The following EXOC4 variants were observed in gnomAD, a reference collection of about 807,000 sequenced individuals.
EXOC4 encodes the protein exocyst complex component 4.
A neutral mutation model predicts 107.2 loss-of-function variants in EXOC4; 71 were observed. The ratio of observed to expected loss-of-function variants is 0.66; its 90% CI spans 0.55 to 0.81. The LOEUF (loss-of-function observed/expected upper bound fraction) is 0.81, where lower values mean the gene tolerates loss of function less well. Among genes scored for constraint, EXOC4 ranks in the 30% least tolerant of loss-of-function variants. EXOC4 has a pLI of 0.00. For missense variants in EXOC4, 1,108 were observed against 1,189.6 expected (o/e 0.93, Z 1.01); for synonymous variants, 456 against 441.2 (o/e 1.03, Z -0.42).
At chr7:133,832,171 T>C (rs1563018702) in intron 11 of EXOC4, among the ~76,000 whole-genome samples, 1 of 152,232 alleles carries the variant, frequency 6.6e-6, no homozygotes, top group Non-Finnish European at 1.5e-5. Context: ...TCTTATGGAC[T>C]ATACTCATTT....
intron 7 of EXOC4, among the ~76,000 whole-genome samples, chr7:133,427,634 A>G (rs1397102280): frequency 6.6e-6 from 1 of 152,202 alleles, no homozygotes; most frequent in Non-Finnish European, 1.5e-5. Context: ...TGGGGTTGGC[A>G]CAGGAAGGTT....
intron 14 of EXOC4, among the ~76,000 whole-genome samples, chr7:133,956,118 C>T (rs1800813903): frequency 6.6e-6 from 1 of 152,204 alleles, no homozygotes. Flanking sequence ...GCTTTAGACA[C>T]TATTGTCTCC....
intron 10 of EXOC4, among the ~76,000 whole-genome samples, chr7:133,690,200 C>T (rs959148751): frequency 7.9e-5 from 12 of 152,194 alleles, no homozygotes; most frequent in Non-Finnish European, 5.9e-5. Context: ...GGGTGTAGTG[C>T]GGGAGCTCAG....
chr7:133,445,137 A>G (rs1798189867), intron 7 of EXOC4, among the ~76,000 whole-genome samples: 1 of 152,154 alleles, frequency 6.6e-6, no homozygotes, highest in South Asian at 2.1e-4. Context: ...AGCAATTCTC[A>G]AAGTTTTCAG....
At chr7:133,638,885 A>G (rs565772557) in intron 10 of EXOC4, among the ~76,000 whole-genome samples, 154 of 151,710 alleles carry the variant, frequency 1.0e-3, no homozygotes, top group Non-Finnish European at 1.9e-3. Context: ...ATTTTTTTTT[A>G]TTATCGATTA....
chr7:133,817,400 G>A lies in EXOC4; in HGVS notation c.1590G>A (p.Val530=). 6.2e-7 allele frequency: 1 copy of A among 1,614,104 alleles called. No homozygotes were observed. Among genetic ancestry groups the A allele is most frequent in the Non-Finnish European group, 8.5e-7 (1 of 1,179,998 alleles). Residue 530 remains valine (V), a synonymous_variant, in exon 11 of 18, where the codon GTG becomes GTA. Coordinates refer to ENST00000253861, the MANE Select transcript of EXOC4 (RefSeq NM_021807.4). The part of the protein sequence containing the change: ...KQCPLREFLT[V]YIKNIFLNQV... ...GTCCTCTTCGAGAGTTTCTCACCGTGTACATCAAAAACATCTTTCTCAATC... is the reference window on the plus strand; with the variant it reads ...GTCCTCTTCGAGAGTTTCTCACCGTATACATCAAAAACATCTTTCTCAATC...
chr7:134,088,905 A>G, the EXOC4 span, among the ~76,000 whole-genome samples: 1 of 152,170 alleles, frequency 6.6e-6, no homozygotes, highest in African/African-American at 2.4e-5. Flanking sequence ...TTACTATACC[A>G]AATAAGGCAA....
chr7:133,459,501 G>A (rs1438170288), intron 7 of EXOC4, among the ~76,000 whole-genome samples: 2 of 152,202 alleles, frequency 1.3e-5, no homozygotes, highest in Non-Finnish European at 2.9e-5. Flanking sequence ...CTGATATCAG[G>A]CATGTGAGCT....
intron 14 of EXOC4, among the ~76,000 whole-genome samples, chr7:133,994,806 C>A (rs906525336): frequency 1.8e-4 from 27 of 150,952 alleles, no homozygotes; most frequent in Non-Finnish European, 3.2e-4. Flanking sequence ...AATCTCATAC[C>A]TTAACTGTAA....
chr7:133,334,150 A>T (rs1795455746), intron 5 of EXOC4, among the ~76,000 whole-genome samples: 1 of 152,168 alleles, frequency 6.6e-6, no homozygotes. Context: ...TTGTGGGGGT[A>T]CATCGGAAGC....
intron 11 of EXOC4, among the ~76,000 whole-genome samples, chr7:133,879,779 G>A (rs1798926726): frequency 6.6e-6 from 1 of 151,998 alleles, no homozygotes; most frequent in African/African-American, 2.4e-5. Flanking sequence ...ATTTGTTATG[G>A]TTCTTTTTTA....
At chr7:133,981,375 T>C (rs1793974918) in intron 14 of EXOC4, among the ~76,000 whole-genome samples, 1 of 152,090 alleles carries the variant, frequency 6.6e-6, no homozygotes. Flanking sequence ...CATAAAACTG[T>C]AGATGGAGTG....
intron 9 of EXOC4, among the ~76,000 whole-genome samples, chr7:133,516,758 A>AGTTTTTTTTTTTTTTTTTTT (rs1799883000): frequency 2.0e-5 from 1 of 49,032 alleles, no homozygotes. Context: ...CTAGCTGCTC[A>AGTTTTTTTTTTTTTTTTTTT]TTTTTTTTTT....
At chr7:133,504,572 A>C (rs901807104) in intron 9 of EXOC4, among the ~76,000 whole-genome samples, 1 of 152,074 alleles carries the variant, frequency 6.6e-6, no homozygotes, top group East Asian at 1.9e-4. Context: ...CTGTATGCTC[A>C]GTTTATATCG....
At chr7:133,921,068 C>G (rs1276309169) in intron 13 of EXOC4, among the ~76,000 whole-genome samples, 1 of 152,160 alleles carries the variant, frequency 6.6e-6, no homozygotes, top group African/African-American at 2.4e-5. Flanking sequence ...CCACCATCCA[C>G]CATTTGCCAG....
chr7:133,973,803 C>A (rs1455616233), intron 14 of EXOC4, among the ~76,000 whole-genome samples: 1 of 152,074 alleles, frequency 6.6e-6, no homozygotes, highest in African/African-American at 2.4e-5. Context: ...AACACAATAC[C>A]TGAGGCTGGC....
intron 14 of EXOC4, among the ~76,000 whole-genome samples, chr7:133,986,174 T>C (rs1794109987): frequency 6.6e-6 from 1 of 152,258 alleles, no homozygotes. Flanking sequence ...ATGGTGGTTT[T>C]CAAAATTAAT....
chr7:133,714,838 GACTACAAAAGAGCAA>G (rs1424669800), intron 10 of EXOC4, among the ~76,000 whole-genome samples: 2 of 152,100 alleles, frequency 1.3e-5, no homozygotes, highest in East Asian at 3.9e-4. Context: ...GACTGCACTA[GACTACAAAAGAGCAA>G]ACAGATTTGG....
chr7:133,734,122 G>A (rs1274925686), intron 10 of EXOC4, among the ~76,000 whole-genome samples: 2 of 152,066 alleles, frequency 1.3e-5, no homozygotes, highest in Non-Finnish European at 1.5e-5. Flanking sequence ...AGACAATAGC[G>A]CCTCTGGCAG....
Sources: allele counts gnomAD v4.1 joint callset (sites outside exome capture counted in the v4.1 genomes callset), GRCh38; gene constraint gnomAD v4.1.1; transcripts MANE v1.5; gene names NCBI Gene and HGNC (gene_info 2026-07-23, HGNC 2026-07-21).